The following SINHCAF variants were observed in gnomAD, a reference collection of about 807,000 sequenced individuals.
SINHCAF encodes SIN3-HDAC complex associated factor.
Under a neutral mutation model 25.8 loss-of-function variants are expected in SINHCAF, and 3 were observed. The ratio of observed to expected loss-of-function variants is 0.12; its 90% CI spans 0.05 to 0.30. The LOEUF is 0.30. Among genes scored for constraint, SINHCAF ranks in the 10% least tolerant of loss-of-function variants. The pLI is 1.00. For missense variants in SINHCAF, 121 were observed against 262.3 expected, an observed-to-expected ratio of 0.46 and a Z score of 3.72; for synonymous variants, 70 against 85.5, an observed-to-expected ratio of 0.82 and a Z score of 1.00.
rs1939840525 is a variant in SINHCAF at position 31,324,121 on chromosome 12, C to T, written c.-21+1903G>A. ...AGGGCGAGGGCAGCGGGAGGTGAAC[C>T]GCGTCGCTCGCCGCCACCTCCCTCA... On this transcript the variant is annotated intron_variant, in intron 1 of 5. Coordinates refer to ENST00000337682, the MANE Select transcript of SINHCAF (RefSeq NM_001135812.2). The surrounding 1 kb of genome is among the most constrained non-coding windows in gnomAD (Gnocchi z 5.5). 1 of 451,396 alleles carries T rather than the reference C, an allele frequency of 2.2e-6. No individual in the cohort carries two copies. The highest frequency in any genetic ancestry group is 1.6e-5 in the South Asian group (1 of 64,198). 28.0% of individuals were successfully genotyped at this position (451,396 alleles called of 1,614,324 possible).
intron 5 of SINHCAF, among the ~76,000 whole-genome samples, chr12:31,286,139 T>G (rs551802997): frequency 9.8e-5 from 15 of 152,348 alleles, no homozygotes; most frequent in African/African-American, 3.6e-4. Flanking sequence ...GAAATGGTGA[T>G]AGTCAACACT....
chr12:31,295,338 TAAG>T lies in SINHCAF; in HGVS notation c.129-8_129-6del. 6.3e-7 allele frequency: 1 copy of T among 1,584,882 alleles called. No homozygotes were observed. Among genetic ancestry groups the T allele is most frequent in the East Asian group, 2.2e-5 (1 of 44,692 alleles). ...CCTGAACGAGTCTCATGCAATCTGA[TAAG>T]AAAACAATCAAACCTTTATCAGTCT... On this transcript the variant is annotated splice_polypyrimidine_tract_variant and splice_region_variant and intron_variant, in intron 2 of 5. Transcript: ENST00000337682.
chr12:31,316,136 C>CT (rs1451841819), intron 1 of SINHCAF, among the ~76,000 whole-genome samples: 2 of 151,882 alleles, frequency 1.3e-5, no homozygotes, highest in African/African-American at 4.8e-5. Context: ...TGCCACTGCA[C>CT]TCCAGCCTTG....
At chr12:31,312,305 T>G (rs956716530) in intron 1 of SINHCAF, among the ~76,000 whole-genome samples, 1 of 152,236 alleles carries the variant, frequency 6.6e-6, no homozygotes, top group African/African-American at 2.4e-5. Flanking sequence ...TTGGGACATT[T>G]TCAGTTTTGG....
intron 5 of SINHCAF, among the ~76,000 whole-genome samples, chr12:31,283,283 T>C (rs1260589216): frequency 1.3e-5 from 2 of 152,100 alleles, no homozygotes; most frequent in Non-Finnish European, 2.9e-5. Context: ...GAGTGGTAAT[T>C]TTTAATTAAA....
At chr12:31,312,292 A>T (rs1293369905) in intron 1 of SINHCAF, among the ~76,000 whole-genome samples, 2 of 152,158 alleles carry the variant, frequency 1.3e-5, no homozygotes, top group African/African-American at 2.4e-5. Flanking sequence ...GTCGATAGAC[A>T]TTTTGGGACA....
chr12:31,317,947 A>G (rs1368704579), intron 1 of SINHCAF, among the ~76,000 whole-genome samples: 1 of 152,230 alleles, frequency 6.6e-6, no homozygotes, highest in Non-Finnish European at 1.5e-5. Flanking sequence ...CTTTAGAGCC[A>G]AACTAGAAAT....
At chr12:31,297,467 A>ATTT (rs777087270) in intron 2 of SINHCAF, among the ~76,000 whole-genome samples, 54 of 103,414 alleles carry the variant, frequency 5.2e-4, no homozygotes, top group Non-Finnish European at 8.1e-4. Context: ...GTCAAGCGTA[A>ATTT]TTTTTTTTTT....
intron 5 of SINHCAF, among the ~76,000 whole-genome samples, chr12:31,284,875 A>G (rs931000707): frequency 2.6e-5 from 4 of 152,158 alleles, no homozygotes; most frequent in Non-Finnish European, 5.9e-5. Context: ...GATTTCTGTT[A>G]GGGCAAGTTT....
chr12:31,302,867 G>T, intron 1 of SINHCAF: 1 of 904,254 alleles, frequency 1.1e-6, no homozygotes, highest in Non-Finnish European at 1.3e-6. Flanking sequence ...GTACCTGTTA[G>T]TAAAATATTT....
chr12:31,298,027 C>CT, intron 2 of SINHCAF, 50 bp downstream of exon 2: 1 of 1,541,020 alleles, frequency 6.5e-7, no homozygotes, highest in Non-Finnish European at 8.9e-7. Context: ...TTTCTGTATG[C>CT]TGTGGTATTT....
intron 1 of SINHCAF, among the ~76,000 whole-genome samples, chr12:31,317,580 A>G (rs1939540811): frequency 1.3e-5 from 2 of 152,148 alleles, no homozygotes; most frequent in South Asian, 4.1e-4. Context: ...GTACAAGCAT[A>G]AAAGAAGCTT....
chr12:31,294,609 G>T (rs1402282323), intron 3 of SINHCAF, among the ~76,000 whole-genome samples: 1 of 152,126 alleles, frequency 6.6e-6, no homozygotes, highest in East Asian at 1.9e-4. Context: ...ATTAGCTGCA[G>T]ATTTCTACCC....
At chr12:31,283,472 ACGTGCCT>A (rs1937891773) in intron 5 of SINHCAF, among the ~76,000 whole-genome samples, 1 of 152,004 alleles carries the variant, frequency 6.6e-6, no homozygotes, top group Non-Finnish European at 1.5e-5. Context: ...GCGTGGTGGC[ACGTGCCT>A]GTAGTCCCAG....
Position 31,287,293 on chromosome 12 carries a change from T to A in SINHCAF, c.506+341A>T, listed in dbSNP as rs566852794. 2.0e-4 allele frequency among the ~76,000 whole-genome samples: 30 copies of A among 152,328 alleles called. 1 individual carries two copies. The East Asian group carries it at 4.8e-3, about 24-fold the overall frequency. ...TTCCTAAAATTGCTTATGTGTATTA[T>A]CTCCTTTTCCTGATCCACTTTATCT... On this transcript the variant is annotated intron_variant, in intron 5 of 5. Transcript: ENST00000337682.
At chr12:31,307,474 G>A (rs1387132588) in intron 1 of SINHCAF, among the ~76,000 whole-genome samples, 1 of 152,128 alleles carries the variant, frequency 6.6e-6, no homozygotes, top group Non-Finnish European at 1.5e-5. Context: ...CAGATTAACT[G>A]AGCCCAGGAG....
At chr12:31,289,137 A>G (rs925900340) in intron 4 of SINHCAF, among the ~76,000 whole-genome samples, 1 of 152,218 alleles carries the variant, frequency 6.6e-6, no homozygotes, top group Non-Finnish European at 1.5e-5. Context: ...CACAGAAAAC[A>G]AATGAACAGA....
intron 1 of SINHCAF, among the ~76,000 whole-genome samples, chr12:31,307,415 T>A (rs1939076798): frequency 6.6e-6 from 1 of 151,962 alleles, no homozygotes; most frequent in South Asian, 2.1e-4. Context: ...ATTAGCCAGG[T>A]GCAGTGGTGC....
chr12:31,296,340 A>AT (rs1229854744), intron 2 of SINHCAF, among the ~76,000 whole-genome samples: 1 of 151,608 alleles, frequency 6.6e-6, no homozygotes, highest in Non-Finnish European at 1.5e-5. Context: ...TAATTTTTGT[A>AT]TTTTTTGTAG....
Sources: allele counts gnomAD v4.1 joint callset (sites outside exome capture counted in the v4.1 genomes callset), GRCh38; gene constraint gnomAD v4.1.1; non-coding constraint Gnocchi (gnomAD v3.1); transcripts MANE v1.5; gene names NCBI Gene and HGNC (gene_info 2026-07-23, HGNC 2026-07-21).